Variants in ENTHD1 observed in about 807,000 individuals in gnomAD.
The protein encoded by ENTHD1 is ENTH domain-containing protein 1.
ENTHD1 carries 23 observed loss-of-function variants against 39.1 expected under a neutral mutation model. The ratio of observed to expected loss-of-function variants is 0.59; its 90% CI spans 0.42 to 0.83. The LOEUF is 0.83. Ranked by LOEUF, ENTHD1 falls within the 40% of genes least tolerant of loss-of-function variation. The pLI is 0.00. For synonymous variants in ENTHD1, 230 were observed against 258.2 expected (o/e 0.89, Z 1.05); for missense variants, 624 against 705.4 (o/e 0.88, Z 1.31).
intron 3 of ENTHD1, among the ~76,000 whole-genome samples, chr22:39,839,311 T>C (rs2146682492): frequency 6.6e-6 from 1 of 152,288 alleles, no homozygotes; most frequent in Non-Finnish European, 1.5e-5. Context: ...AATTATATGC[T>C]AAACGTTCTT....
chr22:39,815,748 CAGA>C (rs1326655333), intron 5 of ENTHD1, among the ~76,000 whole-genome samples: 1 of 151,996 alleles, frequency 6.6e-6, no homozygotes, highest in Admixed American at 6.5e-5. Flanking sequence ...TAGTATTCCA[CAGA>C]AGAATAAACA....
At chr22:39,873,739 A>G (rs1251967574) in intron 2 of ENTHD1, among the ~76,000 whole-genome samples, 3 of 152,236 alleles carry the variant, frequency 2.0e-5, no homozygotes, top group African/African-American at 4.8e-5. Flanking sequence ...TACCATACAG[A>G]TAAGAATGAA....
At chr22:39,828,446 G>A (rs2065842695) in intron 4 of ENTHD1, among the ~76,000 whole-genome samples, 2 of 152,106 alleles carry the variant, frequency 1.3e-5, no homozygotes, top group Admixed American at 6.5e-5. Context: ...AACAACTTTG[G>A]TGAGATCAAA....
chr22:39,867,096 G>A lies in ENTHD1; in HGVS notation c.350-5089C>T, dbSNP rs6001698. ...TTTTTTGCATTTTTAGTAGAGACGG[G>A]GTTTCACCGTGTTAGCCAGGATGGT... is the stretch of plus-strand genomic sequence containing the variant. On this transcript the variant is annotated intron_variant, in intron 2 of 6. Coordinates refer to ENST00000325157, the MANE Select transcript of ENTHD1 (RefSeq NM_152512.4). The surrounding 1 kb of genome is among the most constrained non-coding windows in gnomAD (Gnocchi z 4.5). Among the ~76,000 whole-genome samples, 146 of 152,144 alleles carry A rather than the reference G, an allele frequency of 9.6e-4. No homozygotes were observed. The highest frequency in any genetic ancestry group is 3.5e-3 in the African/African-American group (146 of 41,512).
Position 39,743,633 on chromosome 22 carries a change from G to A in ENTHD1, c.*46C>T. 6.6e-7 allele frequency: 1 copy of A among 1,524,834 alleles called. No homozygotes were observed. Among genetic ancestry groups the A allele is most frequent in the South Asian group, 1.3e-5 (1 of 74,778 alleles). 94.5% of individuals were successfully genotyped at this position (1,524,834 alleles called of 1,614,324 possible). On this transcript the variant is annotated 3_prime_UTR_variant, in exon 7 of 7. Coordinates refer to ENST00000325157, the MANE Select transcript of ENTHD1 (RefSeq NM_152512.4). Reference sequence around the variant, plus strand: ...TATACAATGCTAACGTAAGTCTTGGGGAAGTGGAACCACACGAGTTCTATC... The same window carrying A: ...TATACAATGCTAACGTAAGTCTTGGAGAAGTGGAACCACACGAGTTCTATC...
intron 5 of ENTHD1, among the ~76,000 whole-genome samples, chr22:39,783,088 T>C (rs1473014222): frequency 6.6e-6 from 1 of 152,172 alleles, no homozygotes; most frequent in Non-Finnish European, 1.5e-5. Flanking sequence ...AGCTGGAGGA[T>C]GTAAAATCAA....
chr22:39,852,121 C>G (rs2066045198), intron 3 of ENTHD1, among the ~76,000 whole-genome samples: 1 of 151,530 alleles, frequency 6.6e-6, no homozygotes, highest in Admixed American at 6.6e-5. Flanking sequence ...TTGCTTAAGC[C>G]AAGGAGCTTG....
intron 6 of ENTHD1, among the ~76,000 whole-genome samples, chr22:39,754,652 G>T (rs993947705): frequency 3.9e-5 from 6 of 152,064 alleles, no homozygotes; most frequent in Admixed American, 6.6e-5. Flanking sequence ...CCTCCAGATG[G>T]GGTGAGTCTC....
intron 1 of ENTHD1, chr22:39,893,314 A>C (rs1056107236): frequency 6.6e-6 from 1 of 152,224 alleles, no homozygotes; most frequent in Non-Finnish European, 1.5e-5. Context: ...CTGAGCAAGA[A>C]TCAACTTTCT....
At chr22:39,829,860 T>TTTTA (rs1371113676) in intron 4 of ENTHD1, among the ~76,000 whole-genome samples, 2 of 151,708 alleles carry the variant, frequency 1.3e-5, no homozygotes, top group East Asian at 1.9e-4. Context: ...TATCTTTAAA[T>TTTTA]TTTATTTATT....
chr22:39,844,395 T>C (rs2065970606), intron 3 of ENTHD1, among the ~76,000 whole-genome samples: 1 of 152,014 alleles, frequency 6.6e-6, no homozygotes, highest in Admixed American at 6.6e-5. Context: ...CACTTAAGAA[T>C]AATGAGAAAC....
chr22:39,746,567 G>A (rs536679279), intron 6 of ENTHD1, among the ~76,000 whole-genome samples: 74 of 152,306 alleles, frequency 4.9e-4, no homozygotes, highest in African/African-American at 1.5e-3. Flanking sequence ...TGAAAGGAAC[G>A]TTGAGTGTGT....
At position 39,744,185 on chromosome 22, in the gene ENTHD1, T is replaced by C. The variant is rs561938047; in HGVS notation, c.1318A>G (p.Ile440Val). 1.6e-5 allele frequency: 26 copies of C among 1,614,028 alleles called. No homozygotes were observed. Among genetic ancestry groups the C allele is most frequent in the Non-Finnish European group, 2.1e-5 (25 of 1,179,978 alleles). ...GTCCAGAAGGAAGGTCCGGCCAGAA[T>C]TGGTGATAAGAGATGAGCTGACTTC... is the stretch of plus-strand genomic sequence containing the variant. ...PEKSAHLLSPILAGPSFWTLS... is the reference protein window; with the variant it reads ...PEKSAHLLSPVLAGPSFWTLS... Residue 440 changes from isoleucine to valine, a missense_variant, in exon 7 of 7, where the codon ATT (isoleucine) becomes GTT (valine). Coordinates refer to ENST00000325157, the MANE Select transcript of ENTHD1 (RefSeq NM_152512.4).
chr22:39,825,921 G>C (rs911952057), intron 4 of ENTHD1, among the ~76,000 whole-genome samples: 7 of 152,150 alleles, frequency 4.6e-5, no homozygotes, highest in African/African-American at 1.7e-4. Flanking sequence ...TGTAGCCCAG[G>C]CTGGAGTGCA....
chr22:39,888,594 A>G (rs917350037), intron 1 of ENTHD1, among the ~76,000 whole-genome samples: 4 of 151,910 alleles, frequency 2.6e-5, no homozygotes, highest in African/African-American at 9.7e-5. Flanking sequence ...CACCTGGCTA[A>G]TTTTTGTATT....
chr22:39,777,059 T>C (rs1423315389), intron 5 of ENTHD1, among the ~76,000 whole-genome samples: 1 of 152,198 alleles, frequency 6.6e-6, no homozygotes, highest in Non-Finnish European at 1.5e-5. Context: ...GGACAAAAGA[T>C]GGATGCCAAA....
At chr22:39,812,951 T>A (rs2065703955) in intron 5 of ENTHD1, among the ~76,000 whole-genome samples, 1 of 152,062 alleles carries the variant, frequency 6.6e-6, no homozygotes, top group Non-Finnish European at 1.5e-5. Flanking sequence ...CCTGGCTAAT[T>A]TTTGTATTTT....
At chr22:39,758,620 C>T (rs1203635292) in intron 6 of ENTHD1, among the ~76,000 whole-genome samples, 1 of 152,058 alleles carries the variant, frequency 6.6e-6, no homozygotes, top group Non-Finnish European at 1.5e-5. Context: ...GAGACAGGGT[C>T]TCACTATGTT....
chr22:39,753,359 ATAACT>A (rs777637424), intron 6 of ENTHD1, among the ~76,000 whole-genome samples: 1 of 152,216 alleles, frequency 6.6e-6, no homozygotes, highest in Non-Finnish European at 1.5e-5. Context: ...CTACAGATAA[ATAACT>A]TAAAATTTAA....
Sources: allele counts gnomAD v4.1 joint callset (sites outside exome capture counted in the v4.1 genomes callset), GRCh38; gene constraint gnomAD v4.1.1; non-coding constraint Gnocchi (gnomAD v3.1); transcripts MANE v1.5; gene names NCBI Gene and HGNC (gene_info 2026-07-23, HGNC 2026-07-21).